The following EFCAB6 variants were observed in gnomAD, a reference collection of about 807,000 sequenced individuals.
EFCAB6 encodes EF-hand calcium-binding domain-containing protein 6.
A neutral mutation model predicts 169.8 loss-of-function variants in EFCAB6; 156 were observed. The observed-to-expected ratio is 0.92, with a 90% confidence interval of 0.81 to 1.05. The LOEUF is 1.05. Ranked by LOEUF, EFCAB6 falls within the 50% of genes least tolerant of loss-of-function variation. EFCAB6 has a pLI of 0.00. For synonymous variants in EFCAB6, 698 were observed against 676.4 expected (o/e 1.03, Z -0.50); for missense variants, 1,800 against 1,829.1 (o/e 0.98, Z 0.29).
chr22:43,784,896 A>G (rs888699230), intron 2 of EFCAB6, among the ~76,000 whole-genome samples: 1 of 151,368 alleles, frequency 6.6e-6, no homozygotes, highest in African/African-American at 2.4e-5. Context: ...TTTTTTAAAA[A>G]GAAAGAAACA....
chr22:43,537,257 C>T lies in EFCAB6; in HGVS notation c.4048+120G>A, dbSNP rs2047438017. The T allele has an allele frequency of 3.9e-6, 5 of 1,293,070 alleles. No individual in the cohort carries two copies. Among genetic ancestry groups the T allele is most frequent in the Admixed American group, 2.2e-5 (1 of 44,934 alleles). The allele number at this position is 1,293,070 out of a possible 1,614,324, so 80.1% of individuals were successfully genotyped here. ...GCACAGCCCACCCAGAAGTTCCCAC[C>T]AGTTTCCTGTTCTGCTGCTCCCTGG... On this transcript the variant is annotated intron_variant, in intron 29 of 31. Transcript: ENST00000262726. This position sits in a 1 kb window ranked among gnomAD's most constrained non-coding sequence, Gnocchi z 4.3.
intron 22 of EFCAB6, 88 bp downstream of exon 22, chr22:43,608,394 T>C: frequency 1.8e-6 from 2 of 1,127,846 alleles, no homozygotes; most frequent in Non-Finnish European, 2.6e-6. Context: ...CCAGTTACCC[T>C]GATGTAGGAA....
At chr22:43,549,071 T>C (rs535976493) in intron 27 of EFCAB6, among the ~76,000 whole-genome samples, 8 of 152,322 alleles carry the variant, frequency 5.3e-5, no homozygotes, top group African/African-American at 1.9e-4. Context: ...TATGGAGAAC[T>C]GAATTATAAT....
At chr22:43,636,635 G>A (rs1229046716) in intron 17 of EFCAB6, among the ~76,000 whole-genome samples, 1 of 134,752 alleles carries the variant, frequency 7.4e-6, no homozygotes, top group Non-Finnish European at 1.5e-5. Flanking sequence ...TTTTGAGACA[G>A]AGTCTCACTC....
intron 23 of EFCAB6, among the ~76,000 whole-genome samples, chr22:43,591,874 AC>A (rs1313138621): frequency 1.3e-5 from 2 of 152,238 alleles, no homozygotes; most frequent in African/African-American, 4.8e-5. Flanking sequence ...ACAATCTTGC[AC>A]TTGATCTATG....
At chr22:43,542,351 A>G (rs1051123027) in intron 27 of EFCAB6, among the ~76,000 whole-genome samples, 2 of 152,184 alleles carry the variant, frequency 1.3e-5, no homozygotes, top group Admixed American at 1.3e-4. Flanking sequence ...AGGCCGAGAC[A>G]GGAGGATCAC....
At chr22:43,699,869 T>G (rs2058704116) in intron 10 of EFCAB6, among the ~76,000 whole-genome samples, 1 of 152,218 alleles carries the variant, frequency 6.6e-6, no homozygotes, top group African/African-American at 2.4e-5. Flanking sequence ...GCTACTATTG[T>G]TACCAGCGTG....
chr22:43,679,579 GC>G (rs2057920627), intron 12 of EFCAB6, among the ~76,000 whole-genome samples: 1 of 152,124 alleles, frequency 6.6e-6, no homozygotes, highest in Non-Finnish European at 1.5e-5. Flanking sequence ...CAGTGGCTGT[GC>G]CATTTTGCAT....
intron 5 of EFCAB6, among the ~76,000 whole-genome samples, chr22:43,756,900 A>T (rs552224822): frequency 3.3e-5 from 5 of 152,296 alleles, no homozygotes; most frequent in East Asian, 1.9e-4. Flanking sequence ...CTTGGCTGGC[A>T]GGAGCTCAGC....
At chr22:43,576,181 A>T in intron 26 of EFCAB6, 116 bp downstream of exon 26, 1 of 780,862 alleles carries the variant, frequency 1.3e-6, no homozygotes, top group Non-Finnish European at 1.9e-6. Flanking sequence ...AGAATGAGCT[A>T]ATTACATGAG....
intron 10 of EFCAB6, among the ~76,000 whole-genome samples, chr22:43,694,586 T>C (rs2058508706): frequency 6.6e-6 from 1 of 151,984 alleles, no homozygotes; most frequent in Non-Finnish European, 1.5e-5. Context: ...TCAGGTAACA[T>C]ATGAAAAGTA....
At chr22:43,682,000 C>T (rs547699429) in intron 12 of EFCAB6, among the ~76,000 whole-genome samples, 11 of 152,312 alleles carry the variant, frequency 7.2e-5, no homozygotes, top group African/African-American at 2.6e-4. Flanking sequence ...GTCTTTTAAA[C>T]ATTCTGCATC....
intron 6 of EFCAB6, among the ~76,000 whole-genome samples, chr22:43,748,415 C>T (rs1406397552): frequency 6.6e-5 from 10 of 152,080 alleles, no homozygotes; most frequent in Non-Finnish European, 1.3e-4. Context: ...GCCCGGCTTC[C>T]CTCTCCTCAT....
chr22:43,662,833 C>T lies in EFCAB6; in HGVS notation c.1983+4271G>A, dbSNP rs139847779. ...TACTACATGCAGCAAGCCTGCGGTA[C>T]ATCCTGGAAGCCTGTTCACATCCAG... On this transcript the variant is annotated intron_variant, in intron 17 of 31. Transcript: ENST00000262726. Among the ~76,000 whole-genome samples the T allele has an allele frequency of 4.5e-3, 680 of 152,324 alleles. 4 individuals are homozygous for T. The highest frequency in any genetic ancestry group is 0.015 in the African/African-American group (643 of 41,562).
At chr22:43,708,862 G>A (rs2059054426) in intron 10 of EFCAB6, among the ~76,000 whole-genome samples, 1 of 152,074 alleles carries the variant, frequency 6.6e-6, no homozygotes, top group Non-Finnish European at 1.5e-5. Flanking sequence ...GCACTTGAGT[G>A]TTCACTCTGC....
At chr22:43,560,937 A>ACTG (rs2048990058) in intron 26 of EFCAB6, among the ~76,000 whole-genome samples, 1 of 152,184 alleles carries the variant, frequency 6.6e-6, no homozygotes, top group Non-Finnish European at 1.5e-5. Context: ...AAGCAGCCCA[A>ACTG]CTGCGTGGCG....
At chr22:43,784,525 G>A (rs1437178933) in intron 2 of EFCAB6, among the ~76,000 whole-genome samples, 1 of 122,932 alleles carries the variant, frequency 8.1e-6, no homozygotes, top group Non-Finnish European at 1.6e-5. Flanking sequence ...GTGTGTGTGT[G>A]TGTGTGTGTG....
intron 10 of EFCAB6, among the ~76,000 whole-genome samples, chr22:43,706,311 C>T (rs564072529): frequency 6.6e-6 from 1 of 152,338 alleles, no homozygotes; most frequent in Admixed American, 6.5e-5. Flanking sequence ...TGCCTCTCAC[C>T]TTTTCATAGA....
chr22:43,530,553 T>A (rs910895130), intron 31 of EFCAB6: 4 of 985,276 alleles, frequency 4.1e-6, no homozygotes, highest in East Asian at 1.1e-4. Context: ...GCTCAGGCAC[T>A]GACCCTGAGG....
Sources: allele counts gnomAD v4.1 joint callset (sites outside exome capture counted in the v4.1 genomes callset), GRCh38; gene constraint gnomAD v4.1.1; non-coding constraint Gnocchi (gnomAD v3.1); transcripts MANE v1.5; gene names NCBI Gene and HGNC (gene_info 2026-07-23, HGNC 2026-07-21).